PDE10A: variants seen among roughly 807,000 people sequenced by gnomAD.
PDE10A encodes the protein phosphodiesterase 10A.
Under a neutral mutation model 97.7 loss-of-function variants are expected in PDE10A, and 39 were observed. The ratio of observed to expected loss-of-function variants is 0.40; its 90% CI spans 0.31 to 0.52. The LOEUF is 0.52. PDE10A is among the 20% of genes least tolerant of loss of function. The pLI is 0.56. For missense variants in PDE10A, 731 were observed against 1,047.8 expected (o/e 0.70, Z 4.17); for synonymous variants, 371 against 376.8 (o/e 0.98, Z 0.18).
intron 19 of PDE10A, among the ~76,000 whole-genome samples, chr6:165,341,986 C>T (rs1020517663): frequency 1.6e-4 from 25 of 152,172 alleles, no homozygotes. Context: ...TACAGTACTG[C>T]CGTATGTACT....
intron 1 of PDE10A, among the ~76,000 whole-genome samples, chr6:165,687,009 T>C (rs1274076573): frequency 2.0e-5 from 3 of 152,286 alleles, no homozygotes; most frequent in Non-Finnish European, 4.4e-5. Flanking sequence ...TTTTCAAATG[T>C]GTTCTGTTCA....
At chr6:165,875,735 T>TTTTTTTG (rs68021336) in intron 1 of PDE10A, among the ~76,000 whole-genome samples, 56 of 69,944 alleles carry the variant, frequency 8.0e-4, no homozygotes, top group East Asian at 1.9e-3. Flanking sequence ...TTTACTGTTT[T>TTTTTTTG]TTTTTTTTTT....
rs192331112 is a variant in PDE10A, at chr6:165,980,578, T to G, written c.-615+6951A>C. Among the ~76,000 whole-genome samples the G allele has an allele frequency of 2.4e-3, 361 of 152,300 alleles. 1 individual carries two copies. The highest frequency in any genetic ancestry group is 3.3e-3 in the Non-Finnish European group (225 of 68,020). ...AAAGCAAAGTATAAGGGGAACAGTT[T>G]AACAGGATACTTGTGTCTGTATATG... On this transcript the variant is annotated intron_variant, in intron 1 of 19. Coordinates refer to the PDE10A transcript ENST00000366882.
intron 1 of PDE10A, among the ~76,000 whole-genome samples, chr6:165,817,736 C>A (rs1206531129): frequency 6.6e-6 from 1 of 152,110 alleles, no homozygotes; most frequent in South Asian, 2.1e-4. Context: ...TGGGTTGTAG[C>A]GTTGACTGTC....
chr6:165,470,855 C>G (rs1344783733), intron 3 of PDE10A, among the ~76,000 whole-genome samples: 1 of 152,132 alleles, frequency 6.6e-6, no homozygotes, highest in African/African-American at 2.4e-5. Flanking sequence ...TCTACTGAAT[C>G]ACTTCCACAA....
At chr6:165,525,022 C>T (rs982642813) in intron 2 of PDE10A, among the ~76,000 whole-genome samples, 4 of 152,142 alleles carry the variant, frequency 2.6e-5, no homozygotes, top group African/African-American at 9.7e-5. Context: ...CTTGAGGCAA[C>T]AGTGATGGCC....
chr6:165,788,922 T>A (rs1778573102), intron 1 of PDE10A, among the ~76,000 whole-genome samples: 1 of 152,048 alleles, frequency 6.6e-6, no homozygotes, highest in African/African-American at 2.4e-5. Context: ...CCCCAGTGTG[T>A]GCACCATCCC....
At chr6:165,372,478 G>A (rs374532635) in intron 18 of PDE10A, among the ~76,000 whole-genome samples, 17,535 of 82,852 alleles carry the variant, frequency 0.21, 2,286 homozygotes, top group African/African-American at 0.33. Context: ...CCCATTCACA[G>A]TTGCTTCAAA....
At chr6:165,626,633 G>C (rs1459076527) in intron 1 of PDE10A, among the ~76,000 whole-genome samples, 2 of 152,154 alleles carry the variant, frequency 1.3e-5, no homozygotes, top group African/African-American at 4.8e-5. Flanking sequence ...TAATGTGTTA[G>C]GAAAGAAGAC....
At chr6:165,753,443 T>C (rs1793052041) in intron 1 of PDE10A, among the ~76,000 whole-genome samples, 1 of 152,244 alleles carries the variant, frequency 6.6e-6, no homozygotes, top group Admixed American at 6.5e-5. Context: ...GGCAGTGTTA[T>C]CACAGTGGCC....
chr6:165,440,977 G>C (rs1361709467), intron 5 of PDE10A, among the ~76,000 whole-genome samples: 2 of 152,064 alleles, frequency 1.3e-5, no homozygotes, highest in Admixed American at 1.3e-4. Context: ...AACAATAAAA[G>C]TTGAATTAAG....
At chr6:165,431,016 T>C (rs34182798) in intron 8 of PDE10A, among the ~76,000 whole-genome samples, 46,184 of 152,004 alleles carry the variant, frequency 0.3, 7,662 homozygotes, top group South Asian at 0.49. Context: ...AAGAACCAGA[T>C]ATCTTAAAGT....
chr6:165,808,265 T>C (rs1225756627), intron 1 of PDE10A, among the ~76,000 whole-genome samples: 2 of 152,226 alleles, frequency 1.3e-5, no homozygotes, highest in Non-Finnish European at 2.9e-5. Context: ...TTTAATGTGA[T>C]GAATTATGTC....
intron 1 of PDE10A, among the ~76,000 whole-genome samples, chr6:165,693,528 C>CAAA (rs55830575): frequency 0.18 from 9,601 of 54,618 alleles, 914 homozygotes; most frequent in East Asian, 0.23. Context: ...GAGGCTCCAC[C>CAAA]AAAAAAAAAA....
intron 1 of PDE10A, among the ~76,000 whole-genome samples, chr6:165,960,380 A>G (rs1210940790): frequency 6.6e-6 from 1 of 152,216 alleles, no homozygotes; most frequent in Admixed American, 6.5e-5. Context: ...TGGAGGCCTG[A>G]TCCGACCCTC....
chr6:165,618,691 G>A (rs1583653779), intron 1 of PDE10A, among the ~76,000 whole-genome samples: 2 of 152,110 alleles, frequency 1.3e-5, no homozygotes, highest in South Asian at 2.1e-4. Flanking sequence ...TCTGTCTCTC[G>A]TCCTCTCTCC....
intron 1 of PDE10A, among the ~76,000 whole-genome samples, chr6:165,700,573 G>T (rs1791544037): frequency 6.6e-6 from 1 of 152,118 alleles, no homozygotes; most frequent in South Asian, 2.1e-4. Flanking sequence ...CGTTTTGCAG[G>T]TAATGTTATA....
intron 1 of PDE10A, among the ~76,000 whole-genome samples, chr6:165,574,064 C>CTTTTT (rs1785184811): frequency 6.6e-6 from 1 of 152,146 alleles, no homozygotes; most frequent in East Asian, 1.9e-4. Flanking sequence ...CAGGTTTTAG[C>CTTTTT]AACTTATTAA....
chr6:165,943,230 A>AGAAAGAAG (rs1423344911), intron 1 of PDE10A, among the ~76,000 whole-genome samples: 1 of 40,118 alleles, frequency 2.5e-5, no homozygotes, highest in South Asian at 8.2e-4. Context: ...AAAGAAAGAA[A>AGAAAGAAG]GAAAGAAGGA....
Sources: allele counts gnomAD v4.1 joint callset (sites outside exome capture counted in the v4.1 genomes callset), GRCh38; gene constraint gnomAD v4.1.1; transcripts MANE v1.5; gene names NCBI Gene and HGNC (gene_info 2026-07-23, HGNC 2026-07-21).